The following DNMBP variants were observed in gnomAD, a reference collection of about 807,000 sequenced individuals.
The protein encoded by DNMBP is dynamin-binding protein.
Under a neutral mutation model 150.0 loss-of-function variants are expected in DNMBP, and 87 were observed. The ratio of observed to expected loss-of-function variants is 0.58; its 90% CI spans 0.49 to 0.69. The LOEUF (loss-of-function observed/expected upper bound fraction) is 0.69. DNMBP is among the 30% of genes least tolerant of loss of function. The pLI, the probability that DNMBP is intolerant of heterozygous loss-of-function variation, is 0.00. For synonymous variants in DNMBP, 711 were observed against 750.4 expected (o/e 0.95, Z 0.86); for missense variants, 1,774 against 1,949.0 (o/e 0.91, Z 1.69).
chr10:99,948,834 G>A (rs1397676802), intron 4 of DNMBP, among the ~76,000 whole-genome samples: 3 of 151,820 alleles, frequency 2.0e-5, no homozygotes, highest in Non-Finnish European at 4.4e-5. Context: ...GTGGTGGCGG[G>A]CACCTGTAAT....
In DNMBP at chr10:100,008,900, T is replaced by C. The variant is rs78911870; in HGVS notation, c.-11+938A>G. ...CCTGCTCATCCGTTTAACTCAGCTA[T>C]GTAAACAAGCAGAGCTAGACTATGC... On this transcript the variant is annotated intron_variant, in intron 1 of 16. Transcript: ENST00000324109. Among the ~76,000 whole-genome samples, 640 of 152,334 alleles carry C rather than the reference T, an allele frequency of 4.2e-3. 6 individuals carry two copies. Among genetic ancestry groups the C allele is most frequent in the African/African-American group, 0.014 (583 of 41,568 alleles).
At chr10:99,960,090 C>T (rs2040547296) in intron 3 of DNMBP, among the ~76,000 whole-genome samples, 1 of 152,068 alleles carries the variant, frequency 6.6e-6, no homozygotes, top group Admixed American at 6.6e-5. Context: ...CAGTTAGCAT[C>T]TGTCTTATTG....
intron 10 of DNMBP, 106 bp from the exon 11 acceptor site, chr10:99,895,156 T>C (rs2039634195): frequency 3.1e-6 from 2 of 645,776 alleles, no homozygotes; most frequent in Non-Finnish European, 5.2e-6. Context: ...GACGGAGTTT[T>C]GCTCTTGTCG....
intron 1 of DNMBP, among the ~76,000 whole-genome samples, chr10:99,989,397 C>T (rs2040862828): frequency 1.3e-5 from 2 of 152,058 alleles, no homozygotes; most frequent in South Asian, 4.1e-4. Context: ...TAGCCTGGGC[C>T]CCAGAATGAA....
In DNMBP at chr10:99,892,143, G is replaced by A. The variant is rs1267281235; in HGVS notation, c.3156+2803C>T. ...TGGGACGTGAAGAGCCCCTCTGCCC[G>A]GCCAGCCGCCCCGTCCAGGAGGGAG... is the stretch of plus-strand genomic sequence containing the variant. On this transcript the variant is annotated intron_variant, in intron 11 of 16. Coordinates refer to ENST00000324109, the MANE Select transcript of DNMBP (RefSeq NM_015221.4). 1.0e-4 allele frequency among the ~76,000 whole-genome samples: 14 copies of A among 137,994 alleles called. 1 individual carries two copies. Among genetic ancestry groups the A allele is most frequent in the South Asian group, 2.4e-4 (1 of 4,230 alleles). 90.5% of individuals were successfully genotyped at this position (137,994 alleles called of 152,430 possible). A position where few individuals can be genotyped will look rare whatever the true frequency, so the allele number is the denominator to read the frequency against.
chr10:99,965,537 G>C (rs1197237133), intron 3 of DNMBP, among the ~76,000 whole-genome samples: 2 of 126,014 alleles, frequency 1.6e-5, no homozygotes, highest in African/African-American at 6.1e-5. Flanking sequence ...CGCTCTTGTT[G>C]CCCAGGCTGG....
chr10:99,928,885 T>C (rs891783280), intron 4 of DNMBP, among the ~76,000 whole-genome samples: 1 of 150,868 alleles, frequency 6.6e-6, no homozygotes, highest in East Asian at 1.9e-4. Flanking sequence ...GGCTTACACT[T>C]GTAATCCCAG....
intron 4 of DNMBP, among the ~76,000 whole-genome samples, chr10:99,933,612 T>C (rs1200716840): frequency 6.6e-6 from 1 of 152,260 alleles, no homozygotes; most frequent in African/African-American, 2.4e-5. Context: ...GGCACGCTTT[T>C]ATTCTTCCCC....
At chr10:99,973,525 T>C (rs1185467397) in intron 1 of DNMBP, among the ~76,000 whole-genome samples, 1 of 152,244 alleles carries the variant, frequency 6.6e-6, no homozygotes, top group Non-Finnish European at 1.5e-5. Context: ...AGGCTCAGTA[T>C]AGTTAGAAAA....
intron 15 of DNMBP, among the ~76,000 whole-genome samples, chr10:99,883,292 T>C (rs1315229846): frequency 1.5e-4 from 23 of 152,134 alleles, no homozygotes; most frequent in Admixed American, 1.5e-3. Context: ...TAAATAGTCA[T>C]GAGGTAAAAC....
chr10:99,964,764 G>T (rs949538535), intron 3 of DNMBP, among the ~76,000 whole-genome samples: 7 of 151,578 alleles, frequency 4.6e-5, no homozygotes, highest in Non-Finnish European at 7.4e-5. Flanking sequence ...CCAGCTATTC[G>T]GGAGGCTAAG....
chr10:99,986,556 C>A, intron 1 of DNMBP, among the ~76,000 whole-genome samples: 1 of 133,786 alleles, frequency 7.5e-6, no homozygotes, highest in Admixed American at 8.5e-5. Context: ...GATCGTGCCA[C>A]TGTACTCCAG....
rs1554857510 is a variant in DNMBP, at chr10:99,879,101, A to AAAAAAAAAAAAAAAAAAAAAAAAAAAAC, written c.4548+709_4548+710insGTTTTTTTTTTTTTTTTTTTTTTTTTTT. Among the ~76,000 whole-genome samples, 38 of 135,122 alleles carry AAAAAAAAAAAAAAAAAAAAAAAAAAAAC rather than the reference A, an allele frequency of 2.8e-4. 1 individual carries two copies. The highest frequency in any genetic ancestry group is 9.8e-4 in the African/African-American group (31 of 31,684). The allele number at this position is 135,122 out of a possible 152,430, so 88.6% of individuals were successfully genotyped here. On this transcript the variant is annotated intron_variant, in intron 16 of 16. Transcript: ENST00000324109. ...CTCTGTCTCAAAAAAAAAAAAAAAA[A>AAAAAAAAAAAAAAAAAAAAAAAAAAAAC]CCCAAAACGTTTGAGATACAAAGCC... is the stretch of plus-strand genomic sequence containing the variant.
At chr10:99,945,309 C>T (rs779290760) in intron 4 of DNMBP, among the ~76,000 whole-genome samples, 6 of 152,098 alleles carry the variant, frequency 3.9e-5, no homozygotes, top group Non-Finnish European at 7.3e-5. Context: ...GTCAAGTTGA[C>T]GCAAGAGCAG....
intron 8 of DNMBP, 129 bp from the exon 9 acceptor site, chr10:99,898,414 A>G (rs1286606963): frequency 3.9e-6 from 3 of 767,410 alleles, no homozygotes; most frequent in Admixed American, 4.2e-5. Context: ...TATGGGCAGG[A>G]TTTGTTCCTA....
chr10:99,908,886 T>C (rs961969243), intron 5 of DNMBP, 67 bp downstream of exon 5: 1 of 1,429,636 alleles, frequency 7.0e-7, no homozygotes, highest in Non-Finnish European at 9.6e-7. Context: ...AAAGCTCCTA[T>C]ATCCTAATGC....
chr10:99,888,736 GC>G, intron 12 of DNMBP, 88 bp downstream of exon 12: 2 of 1,495,292 alleles, frequency 1.3e-6, no homozygotes, highest in Non-Finnish European at 1.8e-6. Flanking sequence ...GGTGCCCAGG[GC>G]CTGTGTCCGT....
chr10:99,959,470 G>A (rs368087943), intron 3 of DNMBP, among the ~76,000 whole-genome samples: 2 of 151,996 alleles, frequency 1.3e-5, no homozygotes, highest in African/African-American at 4.8e-5. Flanking sequence ...CTGGGCGACA[G>A]AGAAAGACAC....
chr10:99,936,515 CTT>C lies in DNMBP; in HGVS notation c.2260+18697_2260+18698del, dbSNP rs34804787. 9.5e-3 allele frequency among the ~76,000 whole-genome samples: 1,278 copies of C among 134,300 alleles called. 11 individuals carry two copies. The highest frequency in any genetic ancestry group is 0.032 in the African/African-American group (1,133 of 35,814). The allele number at this position is 134,300 out of a possible 152,430, so 88.1% of individuals were successfully genotyped here. On this transcript the variant is annotated intron_variant, in intron 4 of 16. Coordinates refer to ENST00000324109, the MANE Select transcript of DNMBP (RefSeq NM_015221.4). ...ACCCTTTACTGAAGATTTCTTTTTT[CTT>C]TTTTTTTTTTTTTTTGAGACACGGT...
Sources: gnomAD v4.1 joint callset for allele counts (sites outside exome capture counted in the v4.1 genomes callset) on GRCh38, gnomAD v4.1.1 for gene constraint, MANE v1.5 for transcripts, NCBI Gene and HGNC (gene_info 2026-07-23, HGNC 2026-07-21) for gene names.